Variants in ELMO1 observed in about 807,000 individuals in gnomAD.
ELMO1 encodes engulfment and cell motility 1.
In ELMO1, 26 loss-of-function variants were observed where a neutral mutation model predicts 98.9. That is an observed-to-expected ratio of 0.26 (90% confidence interval 0.19 to 0.36). The LOEUF (loss-of-function observed/expected upper bound fraction) is 0.36, where lower values mean the gene tolerates loss of function less well. ELMO1 is among the 10% of genes least tolerant of loss of function. ELMO1 has a pLI of 1.00. For synonymous variants in ELMO1, 346 were observed against 346.0 expected (o/e 1.00, Z 0.00); for missense variants, 627 against 935.2 (o/e 0.67, Z 4.30).
chr7:37,213,502 A>C, intron 11 of ELMO1, 45 bp from the exon 12 acceptor site: 3 of 1,555,364 alleles, frequency 1.9e-6, no homozygotes, highest in Non-Finnish European at 2.6e-6. Flanking sequence ...AAAGAAAGAA[A>C]AGGAAACAAC....
At chr7:37,349,950 G>A (rs1469421118) in intron 1 of ELMO1, among the ~76,000 whole-genome samples, 2 of 152,194 alleles carry the variant, frequency 1.3e-5, no homozygotes, top group South Asian at 4.1e-4. Flanking sequence ...GTGGTCAGCT[G>A]ACATTATTCA....
At chr7:37,432,666 T>C (rs1413209725) in intron 1 of ELMO1, among the ~76,000 whole-genome samples, 1 of 152,210 alleles carries the variant, frequency 6.6e-6, no homozygotes, top group East Asian at 1.9e-4. Flanking sequence ...ATAAACGAAA[T>C]GTGGGTAACC....
At chr7:37,339,727 G>A (rs570976061) in intron 2 of ELMO1, among the ~76,000 whole-genome samples, 2 of 152,004 alleles carry the variant, frequency 1.3e-5, no homozygotes, top group Non-Finnish European at 2.9e-5. Context: ...ATTAGGAACT[G>A]GGTTCCTAAT....
chr7:37,247,664 C>T (rs1468705213), intron 6 of ELMO1, among the ~76,000 whole-genome samples: 1 of 152,110 alleles, frequency 6.6e-6, no homozygotes, highest in Non-Finnish European at 1.5e-5. Context: ...AATTTAAAAA[C>T]ACCAAAGTCA....
intron 2 of ELMO1, among the ~76,000 whole-genome samples, chr7:37,319,246 C>A (rs994693006): frequency 2.0e-5 from 3 of 152,204 alleles, no homozygotes; most frequent in Non-Finnish European, 4.4e-5. Context: ...CGGTAGCACA[C>A]ATCCCTCAGA....
intron 19 of ELMO1, among the ~76,000 whole-genome samples, chr7:36,871,992 G>T (rs1157067858): frequency 6.6e-6 from 1 of 152,164 alleles, no homozygotes. Context: ...ACCACATCTT[G>T]CAACCTGATT....
intron 15 of ELMO1, among the ~76,000 whole-genome samples, chr7:37,017,130 G>A (rs115231757): frequency 0.021 from 3,241 of 152,226 alleles, 43 homozygotes; most frequent in Middle Eastern, 0.051. Flanking sequence ...CCAGGGTTAC[G>A]CTCCCCTTCT....
chr7:37,385,151 C>A (rs1339019557), intron 1 of ELMO1, among the ~76,000 whole-genome samples: 2 of 152,248 alleles, frequency 1.3e-5, no homozygotes, highest in African/African-American at 4.8e-5. Context: ...CTCTCTGACT[C>A]TACTCTTGCC....
chr7:37,336,680 T>C (rs778625181), intron 2 of ELMO1, among the ~76,000 whole-genome samples: 3 of 151,802 alleles, frequency 2.0e-5, no homozygotes, highest in African/African-American at 4.8e-5. Context: ...TTCAAGAAGA[T>C]GAGAATGGGC....
At chr7:37,400,387 G>A (rs973201779) in intron 1 of ELMO1, among the ~76,000 whole-genome samples, 1 of 152,014 alleles carries the variant, frequency 6.6e-6, no homozygotes, top group Non-Finnish European at 1.5e-5. Flanking sequence ...TAAAAAAAAA[G>A]TCAGCTTCAC....
chr7:37,209,010 T>TA (rs112233572), intron 13 of ELMO1, among the ~76,000 whole-genome samples: 14,528 of 145,298 alleles, frequency 0.1, 846 homozygotes, highest in Middle Eastern at 0.18. Context: ...AACTTTCAGT[T>TA]AAAAAAAAAA....
chr7:37,388,673 TGCCTATACTCCCA>T (rs1024612866), intron 1 of ELMO1, among the ~76,000 whole-genome samples: 2 of 151,132 alleles, frequency 1.3e-5, no homozygotes, highest in Admixed American at 1.3e-4. Context: ...GCATGGCTCA[TGCCTATACTCCCA>T]GTGCTTTGGG....
chr7:36,943,086 T>C (rs56827255), intron 16 of ELMO1, among the ~76,000 whole-genome samples: 16,456 of 152,210 alleles, frequency 0.11, 1,105 homozygotes, highest in Middle Eastern at 0.22. Flanking sequence ...GAGGTGCTCA[T>C]GGTGAGGGCT....
chr7:37,087,152 C>G (rs1314076299), intron 15 of ELMO1, among the ~76,000 whole-genome samples: 1 of 152,056 alleles, frequency 6.6e-6, no homozygotes, highest in Non-Finnish European at 1.5e-5. Flanking sequence ...TATGGAACAT[C>G]TACTAAGTTT....
At chr7:37,388,519 G>A (rs1454405093) in intron 1 of ELMO1, among the ~76,000 whole-genome samples, 1 of 151,144 alleles carries the variant, frequency 6.6e-6, no homozygotes, top group Non-Finnish European at 1.5e-5. Context: ...TTATAATTTG[G>A]AGCAGGGCAC....
chr7:37,025,196 C>T (rs1374901229), intron 15 of ELMO1, among the ~76,000 whole-genome samples: 1 of 152,112 alleles, frequency 6.6e-6, no homozygotes, highest in Admixed American at 6.5e-5. Flanking sequence ...AAATGCTGTT[C>T]TTGGCCCAAA....
At chr7:37,136,545 C>T (rs1023147899) in intron 13 of ELMO1, among the ~76,000 whole-genome samples, 2 of 152,176 alleles carry the variant, frequency 1.3e-5, no homozygotes, top group African/African-American at 4.8e-5. Flanking sequence ...AACTTACAAG[C>T]TAGAAGGGAC....
chr7:37,150,286 T>A (rs1177757224), intron 13 of ELMO1, among the ~76,000 whole-genome samples: 2 of 152,026 alleles, frequency 1.3e-5, no homozygotes, highest in Non-Finnish European at 2.9e-5. Context: ...TCTTTTTTTT[T>A]TTTTCTTTAA....
chr7:37,219,123 T>A (rs1055013798), intron 10 of ELMO1, among the ~76,000 whole-genome samples: 6 of 152,112 alleles, frequency 3.9e-5, no homozygotes, highest in African/African-American at 1.4e-4. Context: ...ATCTCCTACA[T>A]CCCAGAGGCA....
Sources: allele counts gnomAD v4.1 joint callset (sites outside exome capture counted in the v4.1 genomes callset), GRCh38; gene constraint gnomAD v4.1.1; transcripts MANE v1.5; gene names NCBI Gene and HGNC (gene_info 2026-07-23, HGNC 2026-07-21).